SLC39A9: variants seen among roughly 807,000 people sequenced by gnomAD.
SLC39A9 encodes the protein solute carrier family 39 member 9, also known as zinc transporter ZIP9.
In SLC39A9, 14 loss-of-function variants were observed where a neutral mutation model predicts 28.4. That is an observed-to-expected ratio of 0.49 (90% CI 0.33 to 0.77). The LOEUF (loss-of-function observed/expected upper bound fraction) is 0.77, where lower values mean the gene tolerates loss of function less well. Ranked by LOEUF, SLC39A9 falls within the 30% of genes least tolerant of loss-of-function variation. SLC39A9 has a pLI of 0.02. For synonymous variants in SLC39A9, 119 were observed against 149.6 expected, an observed-to-expected ratio of 0.80 and a Z score of 1.49; for missense variants, 283 against 381.1, an observed-to-expected ratio of 0.74 and a Z score of 2.14.
Position 69,458,861 on chromosome 14 carries a change from A to G in SLC39A9, c.*268A>G. ...ATTTTGCGTTTTAATATTTCTCTTA[A>G]CCCTATTCTCAGGGAAGATGGAATT... On this transcript the variant is annotated 3_prime_UTR_variant, in exon 7 of 7. Transcript: ENST00000336643. The G allele has an allele frequency of 8.5e-7, 1 of 1,180,608 alleles. No homozygotes were observed. Among genetic ancestry groups the G allele is most frequent in the Non-Finnish European group, 1.0e-6 (1 of 953,094 alleles). 73.1% of individuals were successfully genotyped at this position (1,180,608 alleles called of 1,614,324 possible).
At chr14:69,423,046 C>A (rs764231700) in intron 1 of SLC39A9, among the ~76,000 whole-genome samples, 11 of 151,898 alleles carry the variant, frequency 7.2e-5, no homozygotes, top group Non-Finnish European at 1.6e-4. Flanking sequence ...TTTTTTTCAT[C>A]GTATGAGTAA....
chr14:69,421,727 A>G (rs985446925), intron 1 of SLC39A9, among the ~76,000 whole-genome samples: 2 of 152,148 alleles, frequency 1.3e-5, no homozygotes, highest in African/African-American at 4.8e-5. Flanking sequence ...CCCCTCCCCC[A>G]GTCAGGCTGC....
intron 2 of SLC39A9, among the ~76,000 whole-genome samples, chr14:69,427,376 C>CT (rs1025678197): frequency 5.9e-5 from 9 of 152,136 alleles, no homozygotes; most frequent in African/African-American, 2.2e-4. Flanking sequence ...AATAAGCATT[C>CT]TGGTCTCTTT....
At chr14:69,442,897 G>C (rs2139428640) in intron 3 of SLC39A9, among the ~76,000 whole-genome samples, 1 of 152,272 alleles carries the variant, frequency 6.6e-6, no homozygotes, top group Middle Eastern at 3.4e-3. Flanking sequence ...TTTTTGTTTT[G>C]ATGGTTATTG....
chr14:69,410,777 C>T (rs1276872767), intron 1 of SLC39A9, among the ~76,000 whole-genome samples: 1 of 151,314 alleles, frequency 6.6e-6, no homozygotes, highest in East Asian at 1.9e-4. Flanking sequence ...CTCTTCAGTG[C>T]CTAAAACTTT....
intron 1 of SLC39A9, among the ~76,000 whole-genome samples, chr14:69,403,986 T>G (rs1015702154): frequency 1.3e-5 from 2 of 152,222 alleles, no homozygotes; most frequent in Non-Finnish European, 2.9e-5. Context: ...GAGGTTGCAG[T>G]GAACCAACAT....
intron 2 of SLC39A9, among the ~76,000 whole-genome samples, chr14:69,436,916 C>T (rs1884788501): frequency 1.3e-5 from 2 of 152,188 alleles, no homozygotes; most frequent in Non-Finnish European, 2.9e-5. Context: ...CAGGTTTCCC[C>T]CATACACTTC....
intron 1 of SLC39A9, among the ~76,000 whole-genome samples, chr14:69,407,319 C>T (rs546083568): frequency 1.3e-5 from 2 of 149,534 alleles, no homozygotes; most frequent in African/African-American, 5.0e-5. Context: ...TTCCTTCCTT[C>T]CTTCCTTCCT....
At chr14:69,422,379 G>C (rs1446401823) in intron 1 of SLC39A9, among the ~76,000 whole-genome samples, 1 of 152,060 alleles carries the variant, frequency 6.6e-6, no homozygotes, top group Non-Finnish European at 1.5e-5. Context: ...GTACTACCAT[G>C]CCTGGCTTCT....
In SLC39A9 at chr14:69,418,637, T is replaced by A. The variant is rs367909547; in HGVS notation, c.97-5457T>A. 3.7e-4 allele frequency among the ~76,000 whole-genome samples: 56 copies of A among 152,332 alleles called. 3 individuals are homozygous for A. The highest frequency in any genetic ancestry group is 2.5e-3 in the East Asian group (13 of 5,184). Reference sequence around the variant, plus strand: ...ATTCGGCCGTGAATCTGTCTGGTCCTGGACGTTTTTTGGTTGGTAGGCTAT... The same window carrying A: ...ATTCGGCCGTGAATCTGTCTGGTCCAGGACGTTTTTTGGTTGGTAGGCTAT... On this transcript the variant is annotated intron_variant, in intron 1 of 6. Transcript: ENST00000336643.
chr14:69,428,859 AAC>A (rs1884336636), intron 2 of SLC39A9: 1 of 152,228 alleles, frequency 6.6e-6, no homozygotes, highest in Admixed American at 6.5e-5. Flanking sequence ...AATGAACCAT[AAC>A]ATCTGCGTAT....
intron 2 of SLC39A9, among the ~76,000 whole-genome samples, chr14:69,433,316 A>T (rs1884584451): frequency 1.3e-5 from 2 of 152,048 alleles, no homozygotes; most frequent in African/African-American, 4.8e-5. Flanking sequence ...AATTCTTTTT[A>T]TATGCTGCTG....
chr14:69,436,675 C>T (rs1294502397), intron 2 of SLC39A9, among the ~76,000 whole-genome samples: 1 of 152,032 alleles, frequency 6.6e-6, no homozygotes. Flanking sequence ...GGACTTGTGC[C>T]GTTTATACAT....
rs753574977 is a variant in SLC39A9, at chr14:69,459,465, T to C, written c.*872T>C. 4 of 985,358 alleles carry C rather than the reference T, an allele frequency of 4.1e-6. No homozygotes were observed. The highest frequency in any genetic ancestry group is 4.8e-6 in the Non-Finnish European group (4 of 829,874). The allele number at this position is 985,358 out of a possible 1,614,324, so 61.0% of individuals were successfully genotyped here. A position where few individuals can be genotyped will look rare whatever the true frequency, so the allele number is the denominator to read the frequency against. On this transcript the variant is annotated 3_prime_UTR_variant, in exon 7 of 7. Coordinates refer to ENST00000336643, the MANE Select transcript of SLC39A9 (RefSeq NM_018375.5). ...AGTGTCTTTGGAAATTAAGGGATAT[T>C]AAATTTTAAGTGATTTTTGGATGGT...
chr14:69,458,192 C>T (rs941927523), intron 6 of SLC39A9, among the ~76,000 whole-genome samples, 171 bp from the exon 7 acceptor site: 3 of 151,842 alleles, frequency 2.0e-5, no homozygotes, highest in African/African-American at 7.3e-5. Context: ...ATTCTTAAAC[C>T]CTTATTTGGA....
At chr14:69,437,014 C>T (rs1475728200) in intron 2 of SLC39A9, among the ~76,000 whole-genome samples, 1 of 152,050 alleles carries the variant, frequency 6.6e-6, no homozygotes, top group Admixed American at 6.6e-5. Context: ...ACTACAGGTG[C>T]CTGCCACCAC....
Position 69,399,224 on chromosome 14 carries a change from G to T in SLC39A9, c.-146G>T, listed in dbSNP as rs968813258. On this transcript the variant is annotated 5_prime_UTR_variant, in exon 1 of 7. Transcript: ENST00000336643. The stretch of plus-strand genomic sequence containing the variant: ...GGTACGTTCAAGAGGAAGGTGCCTC[G>T]TGAACACATCTGCTGGTGGGAAGGC... 8.7e-6 allele frequency: 6 copies of T among 689,160 alleles called. No homozygotes were observed. Among genetic ancestry groups the T allele is most frequent in the Admixed American group, 8.4e-5 (3 of 35,516 alleles). 42.7% of individuals were successfully genotyped at this position (689,160 alleles called of 1,614,324 possible).
In SLC39A9 at chr14:69,460,497, G is replaced by GC. The variant is rs1230373420; in HGVS notation, c.*1906dup. 1.1e-5 allele frequency: 11 copies of GC among 985,446 alleles called. No homozygotes were observed. In the African/African-American group the frequency reaches 1.6e-4, roughly 14 times the overall value. 61.0% of individuals were successfully genotyped at this position (985,446 alleles called of 1,614,324 possible). On this transcript the variant is annotated 3_prime_UTR_variant, in exon 7 of 7. Transcript: ENST00000336643. ...TCTAGTCCTTCAAAACTATATGGTT[G>GC]CCTAGATTCTCTCTGGAAACTGACT...
At chr14:69,440,193 T>C (rs1884974658) in intron 2 of SLC39A9, among the ~76,000 whole-genome samples, 1 of 152,064 alleles carries the variant, frequency 6.6e-6, no homozygotes, top group African/African-American at 2.4e-5. Flanking sequence ...GGCTGAAGCA[T>C]GAGAACCACT....
Sources: allele counts gnomAD v4.1 joint callset (sites outside exome capture counted in the v4.1 genomes callset), GRCh38; gene constraint gnomAD v4.1.1; transcripts MANE v1.5; gene names NCBI Gene and HGNC (gene_info 2026-07-23, HGNC 2026-07-21).